Variants in LOC400499 observed in about 807,000 individuals in gnomAD.
the LOC400499 span, among the ~76,000 whole-genome samples, chr16:11,511,519 G>GA: frequency 3.3e-5 from 5 of 152,082 alleles, no homozygotes; most frequent in East Asian, 1.9e-4. Flanking sequence ...CAATGAAAAA[G>GA]AAAAAAATCC....
chr16:11,438,822 C>A, the LOC400499 span, among the ~76,000 whole-genome samples: 1 of 151,844 alleles, frequency 6.6e-6, no homozygotes, highest in Non-Finnish European at 1.5e-5. Flanking sequence ...GGGCTAGGTG[C>A]GGTGGCTCAT....
At chr16:11,445,701 C>T in the LOC400499 span, among the ~76,000 whole-genome samples, 1 of 152,194 alleles carries the variant, frequency 6.6e-6, no homozygotes, top group South Asian at 2.1e-4. Context: ...GGGCTTTATC[C>T]CAAGAGAGGC....
the LOC400499 span, among the ~76,000 whole-genome samples, chr16:11,503,801 C>A: frequency 3.9e-5 from 6 of 152,222 alleles, no homozygotes; most frequent in Non-Finnish European, 7.3e-5. Flanking sequence ...CCGGCAGGAC[C>A]CACAAGCCAG....
the LOC400499 span, among the ~76,000 whole-genome samples, chr16:11,524,869 G>A: frequency 6.6e-6 from 1 of 152,100 alleles, no homozygotes; most frequent in East Asian, 1.9e-4. Flanking sequence ...GCATTAAGCA[G>A]GCATTCATCT....
chr16:11,491,216 G>A, the LOC400499 span, among the ~76,000 whole-genome samples: 1 of 152,154 alleles, frequency 6.6e-6, no homozygotes, highest in Non-Finnish European at 1.5e-5. Context: ...TCACCCCACT[G>A]TGCATTATGG....
the LOC400499 span, among the ~76,000 whole-genome samples, chr16:11,373,018 T>C: frequency 6.6e-6 from 1 of 152,252 alleles, no homozygotes; most frequent in African/African-American, 2.4e-5. Context: ...GCTCACTCTG[T>C]GTCAGGTTCT....
the LOC400499 span, among the ~76,000 whole-genome samples, chr16:11,516,550 C>T: frequency 6.6e-6 from 1 of 152,206 alleles, no homozygotes; most frequent in Non-Finnish European, 1.5e-5. Context: ...GTGTGTGAGA[C>T]AAGTGTCAAA....
At chr16:11,452,935 C>G in the LOC400499 span, among the ~76,000 whole-genome samples, 5 of 152,226 alleles carry the variant, frequency 3.3e-5, no homozygotes, top group African/African-American at 1.2e-4. Context: ...GATGAGTTTT[C>G]TGGTTCTTGG....
At chr16:11,388,772 C>T in the LOC400499 span, among the ~76,000 whole-genome samples, 150 of 152,338 alleles carry the variant, frequency 9.8e-4, 2 homozygotes, top group African/African-American at 3.6e-3. Flanking sequence ...CCCTTGCAGG[C>T]ATTCTGCTCC....
At chr16:11,420,638 C>G in the LOC400499 span, among the ~76,000 whole-genome samples, 1 of 123,902 alleles carries the variant, frequency 8.1e-6, no homozygotes, top group Non-Finnish European at 1.6e-5. Context: ...TCAGTGAAAT[C>G]TCCACCACCT....
chr16:11,476,550 T>C, the LOC400499 span, among the ~76,000 whole-genome samples: 2 of 146,998 alleles, frequency 1.4e-5, no homozygotes, highest in Admixed American at 1.3e-4. Flanking sequence ...TACATTCTCA[T>C]ATGTCTGATC....
chr16:11,525,204 G>C, the LOC400499 span, among the ~76,000 whole-genome samples: 1 of 151,182 alleles, frequency 6.6e-6, no homozygotes, highest in East Asian at 1.9e-4. Flanking sequence ...TGCTTGAGCC[G>C]ACAGGTGGAG....
the LOC400499 span, chr16:11,392,841 T>A: frequency 3.1e-6 from 3 of 975,456 alleles, no homozygotes; most frequent in Non-Finnish European, 3.7e-6. Context: ...CCCCACCAGG[T>A]TTTTTCGTTT....
the LOC400499 span, among the ~76,000 whole-genome samples, chr16:11,409,510 A>G: frequency 6.6e-6 from 1 of 152,186 alleles, no homozygotes; most frequent in African/African-American, 2.4e-5. Context: ...AACCCCCACA[A>G]CATTTTACTT....
chr16:11,461,133 G>C, the LOC400499 span: 10 of 1,528,568 alleles, frequency 6.5e-6, no homozygotes, highest in South Asian at 1.1e-4. Context: ...CAGGGACAGA[G>C]AGCAGGCAGA....
chr16:11,450,698 C>A, the LOC400499 span: 1 of 1,536,162 alleles, frequency 6.5e-7, no homozygotes, highest in Non-Finnish European at 8.7e-7. Context: ...ACCACCAGGT[C>A]CTTTAGGGTC....
At chr16:11,396,756 A>T in the LOC400499 span, 1 of 1,149,336 alleles carries the variant, frequency 8.7e-7, no homozygotes, top group East Asian at 3.2e-5. Flanking sequence ...CCGAGAATGC[A>T]GCAGCAGCTG....
chr16:11,391,154 G>T, the LOC400499 span, among the ~76,000 whole-genome samples: 3 of 152,376 alleles, frequency 2.0e-5, no homozygotes, highest in Admixed American at 2.0e-4. Context: ...TCAACAGCCA[G>T]TCAGAGGGAT....
the LOC400499 span, among the ~76,000 whole-genome samples, chr16:11,427,469 G>A: frequency 6.6e-6 from 1 of 151,560 alleles, no homozygotes; most frequent in African/African-American, 2.4e-5. Flanking sequence ...TTTTGAGACA[G>A]GGTCTCATTC....
Sources: gnomAD v4.1 joint callset for allele counts (sites outside exome capture counted in the v4.1 genomes callset) on GRCh38, gnomAD v4.1.1 for gene constraint, MANE v1.5 for transcripts.